MARCHF1: variants seen among roughly 807,000 people sequenced by gnomAD.
MARCHF1 encodes the protein membrane associated ring-CH-type finger 1.
In MARCHF1, 40 loss-of-function variants were observed where a neutral mutation model predicts 54.2. That is an observed-to-expected ratio of 0.74 (90% CI 0.57 to 0.96). The LOEUF is 0.96. MARCHF1 is among the 40% of genes least tolerant of loss of function. The probability of loss-of-function intolerance (pLI) is 0.00; values close to 1 mark genes in which losing one functional copy is unlikely to be tolerated. For missense variants in MARCHF1, 586 were observed against 656.5 expected, an observed-to-expected ratio of 0.89 and a Z score of 1.17; for synonymous variants, 236 against 236.3, an observed-to-expected ratio of 1.00 and a Z score of 0.01.
intron 2 of MARCHF1, among the ~76,000 whole-genome samples, chr4:164,102,147 C>G (rs1755577591): frequency 9.3e-6 from 1 of 107,474 alleles, no homozygotes; most frequent in Non-Finnish European, 2.0e-5. Flanking sequence ...ATTGCTGTAC[C>G]TGAAAGTGAT....
At chr4:163,665,762 TATAA>T (rs1313866960) in intron 5 of MARCHF1, among the ~76,000 whole-genome samples, 2 of 152,182 alleles carry the variant, frequency 1.3e-5, no homozygotes, top group Non-Finnish European at 2.9e-5. Context: ...AAATCAGTGT[TATAA>T]ATAAACTCTC....
intron 5 of MARCHF1, among the ~76,000 whole-genome samples, chr4:163,623,050 G>T (rs1399016268): frequency 6.6e-6 from 1 of 152,162 alleles, no homozygotes; most frequent in African/African-American, 2.4e-5. Flanking sequence ...TGTCATCAGG[G>T]AGGGCAAGGC....
intron 1 of MARCHF1, among the ~76,000 whole-genome samples, chr4:164,176,962 CTCTCTCTCTCTCTCTCTCTA>C (rs1730685968): frequency 2.4e-5 from 1 of 42,292 alleles, no homozygotes; most frequent in African/African-American, 1.2e-4. Context: ...CTCTCTCTCT[CTCTCTCTCTCTCTCTCTCTA>C]TATATATATA....
At chr4:164,129,370 G>A (rs1371540458) in intron 1 of MARCHF1, among the ~76,000 whole-genome samples, 1 of 152,126 alleles carries the variant, frequency 6.6e-6, no homozygotes, top group Non-Finnish European at 1.5e-5. Flanking sequence ...TTAATTTGAA[G>A]AACTGATTAA....
At chr4:164,099,007 T>C (rs528740355) in intron 2 of MARCHF1, among the ~76,000 whole-genome samples, 138 of 152,350 alleles carry the variant, frequency 9.1e-4, no homozygotes, top group Non-Finnish European at 1.4e-3. Flanking sequence ...ATTTCACATA[T>C]AGTTAATGTT....
At chr4:163,574,829 T>C (rs1739981854) in intron 8 of MARCHF1, among the ~76,000 whole-genome samples, 1 of 151,638 alleles carries the variant, frequency 6.6e-6, no homozygotes, top group African/African-American at 2.4e-5. Context: ...AACTTTAAAG[T>C]AGTTTTTTCC....
At chr4:163,892,370 C>T (rs4132054) in intron 3 of MARCHF1, among the ~76,000 whole-genome samples, 74,945 of 151,712 alleles carry the variant, frequency 0.49, 19,023 homozygotes, top group Non-Finnish European at 0.55. Flanking sequence ...CTGTTTGAAG[C>T]GGAAGAAGCA....
chr4:164,361,507 G>A (rs866060717), intron 1 of MARCHF1, among the ~76,000 whole-genome samples: 15 of 152,104 alleles, frequency 9.9e-5, no homozygotes, highest in Admixed American at 2.0e-4. Flanking sequence ...TCTAGAAACA[G>A]AACAGTTTCC....
intron 5 of MARCHF1, among the ~76,000 whole-genome samples, chr4:163,628,297 A>G (rs1215975288): frequency 6.6e-6 from 1 of 152,224 alleles, no homozygotes; most frequent in Non-Finnish European, 1.5e-5. Context: ...AGAACCAACG[A>G]CAAAAACCAC....
chr4:163,531,152 A>G (rs1157260301), intron 9 of MARCHF1, among the ~76,000 whole-genome samples: 1 of 151,888 alleles, frequency 6.6e-6, no homozygotes, highest in Non-Finnish European at 1.5e-5. Context: ...GCATTACCCA[A>G]TACTAAATTC....
intron 4 of MARCHF1, among the ~76,000 whole-genome samples, chr4:163,726,330 TG>T (rs1745652117): frequency 6.6e-6 from 1 of 152,232 alleles, no homozygotes; most frequent in Non-Finnish European, 1.5e-5. Flanking sequence ...TTCATAGTTT[TG>T]CCTTTTCTAG....
At chr4:163,766,048 T>G (rs1019793687) in intron 4 of MARCHF1, among the ~76,000 whole-genome samples, 1 of 151,422 alleles carries the variant, frequency 6.6e-6, no homozygotes, top group Admixed American at 6.6e-5. Context: ...TTTCTATGAT[T>G]ATCAATGAGT....
In MARCHF1 at chr4:163,812,232, T is replaced by A. The variant is rs575388501; in HGVS notation, c.111+41789A>T. Among the ~76,000 whole-genome samples the A allele has an allele frequency of 2.6e-5, 4 of 151,598 alleles. No homozygotes were observed. The East Asian group carries it at 7.7e-4, about 29-fold the overall frequency. On this transcript the variant is annotated intron_variant, in intron 4 of 9. Transcript: ENST00000514618. Reference sequence around the variant, plus strand: ...AACCAATATCCTAAAATAAATCTCTTCATCTATATCTCTATATAATATATA... The same window carrying A: ...AACCAATATCCTAAAATAAATCTCTACATCTATATCTCTATATAATATATA...
intron 1 of MARCHF1, among the ~76,000 whole-genome samples, chr4:164,127,618 A>T (rs1756213189): frequency 6.6e-6 from 1 of 152,238 alleles, no homozygotes; most frequent in African/African-American, 2.4e-5. Context: ...AGAATTGAAG[A>T]TATATCATGA....
At chr4:163,798,847 G>T (rs920532806) in intron 4 of MARCHF1, among the ~76,000 whole-genome samples, 2 of 152,030 alleles carry the variant, frequency 1.3e-5, no homozygotes, top group Non-Finnish European at 2.9e-5. Flanking sequence ...TCCCTAAGAG[G>T]ATCAGTAATG....
At chr4:163,877,655 C>G (rs537125802) in intron 3 of MARCHF1, among the ~76,000 whole-genome samples, 94 of 152,214 alleles carry the variant, frequency 6.2e-4, no homozygotes, top group African/African-American at 2.2e-3. Context: ...AAACTCTTGA[C>G]CTTTCTTCTC....
intron 5 of MARCHF1, among the ~76,000 whole-genome samples, chr4:163,676,753 A>T (rs892022934): frequency 1.3e-5 from 2 of 152,166 alleles, no homozygotes; most frequent in African/African-American, 4.8e-5. Flanking sequence ...ACCCTGTCCC[A>T]AAAAGAAATA....
chr4:164,019,866 G>C (rs1361200414), intron 2 of MARCHF1, among the ~76,000 whole-genome samples: 1 of 152,168 alleles, frequency 6.6e-6, no homozygotes, highest in Non-Finnish European at 1.5e-5. Context: ...AGGGTGTAGA[G>C]TTGCAGTGTT....
chr4:163,756,042 C>T (rs181895845), intron 4 of MARCHF1, among the ~76,000 whole-genome samples: 34 of 152,238 alleles, frequency 2.2e-4, no homozygotes, highest in Non-Finnish European at 2.2e-4. Flanking sequence ...CAGCAATTGC[C>T]TAAGCTTTCT....
Sources: gnomAD v4.1 joint callset for allele counts (sites outside exome capture counted in the v4.1 genomes callset) on GRCh38, gnomAD v4.1.1 for gene constraint, MANE v1.5 for transcripts, NCBI Gene and HGNC (gene_info 2026-07-23, HGNC 2026-07-21) for gene names.